The following BCAS1 variants were observed in gnomAD, a reference collection of about 807,000 sequenced individuals.
BCAS1 encodes the protein breast carcinoma-amplified sequence 1.
Under a neutral mutation model 65.4 loss-of-function variants are expected in BCAS1, and 46 were observed. The observed-to-expected ratio is 0.70, with a 90% CI of 0.55 to 0.90. The LOEUF (loss-of-function observed/expected upper bound fraction) is 0.90. Ranked by LOEUF, BCAS1 falls within the 40% of genes least tolerant of loss-of-function variation. BCAS1 has a pLI of 0.00. For synonymous variants in BCAS1, 298 were observed against 293.5 expected (o/e 1.02, Z -0.16); for missense variants, 793 against 771.2 (o/e 1.03, Z -0.33).
At chr20:54,043,441 C>T (rs960557560) in intron 3 of BCAS1, among the ~76,000 whole-genome samples, 1 of 152,134 alleles carries the variant, frequency 6.6e-6, no homozygotes, top group Non-Finnish European at 1.5e-5. Context: ...GTTTGGCCAA[C>T]ACAGTGTTTA....
Position 53,996,022 on chromosome 20 carries a change from C to A in BCAS1, c.752G>T (p.Gly251Val). The change falls in exon 5 of 13, where the codon GGA becomes GTA. Residue 251 changes from glycine to valine, a missense_variant. Gly to Val is a moderately radical substitution (Grantham distance 109). Transcript: ENST00000688948. ...GCAATCCGCAGTTCCAAGTTCTTGTCCTTCTTTTTCCTTGCCGTCAACTAT... is the reference window on the plus strand; with the variant it reads ...GCAATCCGCAGTTCCAAGTTCTTGTACTTCTTTTTCCTTGCCGTCAACTAT... ...KDIVDGKEKE[G>V]QELGTADCSV... is the part of the protein sequence containing the mutation. 6.2e-7 allele frequency: 1 copy of A among 1,604,398 alleles called. No homozygotes were observed.
intron 3 of BCAS1, among the ~76,000 whole-genome samples, chr20:54,041,172 G>T (rs2091983794): frequency 6.6e-6 from 1 of 151,226 alleles, no homozygotes; most frequent in African/African-American, 2.4e-5. Context: ...CCAGTGGCTG[G>T]GAATAGGGAA....
chr20:54,057,774 T>C (rs6022936), intron 3 of BCAS1, among the ~76,000 whole-genome samples: 5,109 of 87,434 alleles, frequency 0.058, 263 homozygotes, highest in African/African-American at 0.2. Flanking sequence ...GACATGAAGA[T>C]GCAGGGAGGA....
chr20:54,016,265 A>T (rs905256578), intron 4 of BCAS1, among the ~76,000 whole-genome samples: 1 of 152,164 alleles, frequency 6.6e-6, no homozygotes, highest in Non-Finnish European at 1.5e-5. Context: ...AATACTGGAA[A>T]TTTTTTAAAG....
chr20:54,045,666 A>C (rs1211055613), intron 3 of BCAS1, among the ~76,000 whole-genome samples: 2 of 152,250 alleles, frequency 1.3e-5, no homozygotes, highest in Non-Finnish European at 2.9e-5. Context: ...AACAGTCAAC[A>C]AACTTAAAAT....
At chr20:53,965,873 A>C (rs1337172718) in intron 10 of BCAS1, among the ~76,000 whole-genome samples, 1 of 152,236 alleles carries the variant, frequency 6.6e-6, no homozygotes, top group Non-Finnish European at 1.5e-5. Flanking sequence ...AGAGAAGGAA[A>C]CTTTAAAAAT....
chr20:54,012,498 A>G (rs79502410), intron 4 of BCAS1, among the ~76,000 whole-genome samples: 1,866 of 151,748 alleles, frequency 0.012, 34 homozygotes, highest in African/African-American at 0.043. Flanking sequence ...TGATAGGATA[A>G]TTCTGGAAGA....
At chr20:54,029,046 A>G in intron 3 of BCAS1, 74 bp from the exon 4 acceptor site, 1 of 1,500,052 alleles carries the variant, frequency 6.7e-7, no homozygotes, top group Non-Finnish European at 8.8e-7. Context: ...GACTCCAGAC[A>G]TTTTTTATAC....
chr20:54,010,891 A>G (rs1477199650), intron 4 of BCAS1, among the ~76,000 whole-genome samples: 2 of 152,238 alleles, frequency 1.3e-5, no homozygotes, highest in Non-Finnish European at 2.9e-5. Context: ...ATAGACATAT[A>G]GAACCAATGG....
chr20:53,989,288 C>T (rs924802254), intron 7 of BCAS1, among the ~76,000 whole-genome samples: 3 of 151,946 alleles, frequency 2.0e-5, no homozygotes, highest in Non-Finnish European at 2.9e-5. Context: ...GGGAGGATAT[C>T]CAGAAACCCT....
intron 8 of BCAS1, among the ~76,000 whole-genome samples, chr20:53,975,721 T>G (rs1004828985): frequency 5.3e-5 from 8 of 152,140 alleles, no homozygotes; most frequent in African/African-American, 1.9e-4. Context: ...TGCTAACTGC[T>G]GTAGGTAAGC....
intron 12 of BCAS1, among the ~76,000 whole-genome samples, chr20:53,947,351 T>G (rs1234121206): frequency 6.6e-6 from 1 of 152,188 alleles, no homozygotes; most frequent in Non-Finnish European, 1.5e-5. Flanking sequence ...CAACATATAT[T>G]GAGGACCTAC....
chr20:54,049,157 G>A (rs2092164601), intron 3 of BCAS1, among the ~76,000 whole-genome samples: 1 of 152,138 alleles, frequency 6.6e-6, no homozygotes, highest in Non-Finnish European at 1.5e-5. Context: ...ATTGGCAGGA[G>A]CACTTTTCTC....
At chr20:53,973,665 G>T (rs1442878879) in intron 9 of BCAS1, among the ~76,000 whole-genome samples, 3 of 152,198 alleles carry the variant, frequency 2.0e-5, no homozygotes, top group African/African-American at 4.8e-5. Context: ...TTCGTAGAAA[G>T]AAGTCTTGTG....
intron 4 of BCAS1, among the ~76,000 whole-genome samples, chr20:54,008,063 G>A (rs1488180532): frequency 1.3e-5 from 2 of 152,166 alleles, no homozygotes; most frequent in Non-Finnish European, 2.9e-5. Flanking sequence ...AAAGGACCAG[G>A]AAAGGGCAAT....
intron 8 of BCAS1, among the ~76,000 whole-genome samples, chr20:53,983,681 G>A (rs1728284598): frequency 2.0e-5 from 3 of 152,208 alleles, no homozygotes; most frequent in Non-Finnish European, 2.9e-5. Context: ...CACGACAGGA[G>A]TACTGGGCCA....
intron 7 of BCAS1, among the ~76,000 whole-genome samples, chr20:53,990,981 T>C (rs183564281): frequency 6.6e-6 from 1 of 152,300 alleles, no homozygotes; most frequent in Admixed American, 6.5e-5. Flanking sequence ...AGGCCAACAG[T>C]TTTTGGGAAG....
chr20:54,042,308 G>A (rs1025875000), intron 3 of BCAS1, among the ~76,000 whole-genome samples: 6 of 151,978 alleles, frequency 3.9e-5, no homozygotes, highest in Non-Finnish European at 5.9e-5. Context: ...CTTAGTACCC[G>A]GGTGAAAAAA....
chr20:54,046,773 C>T (rs290419), intron 3 of BCAS1, among the ~76,000 whole-genome samples: 5 of 147,746 alleles, frequency 3.4e-5, no homozygotes, highest in African/African-American at 5.0e-5. Context: ...TGATCTGGGA[C>T]GTGGAGGTTG....
Sources: allele counts gnomAD v4.1 joint callset (sites outside exome capture counted in the v4.1 genomes callset), GRCh38; gene constraint gnomAD v4.1.1; transcripts MANE v1.5; gene names NCBI Gene and HGNC (gene_info 2026-07-23, HGNC 2026-07-21).